Variants in LOX observed in about 807,000 individuals in gnomAD.
LOX encodes the protein lysyl oxidase.
In LOX, 12 loss-of-function variants were observed where a neutral mutation model predicts 50.5. That is an observed-to-expected ratio of 0.24 (90% CI 0.15 to 0.38). LOX has a LOEUF of 0.38. LOX is among the 10% of genes least tolerant of loss of function. The pLI is 1.00. For synonymous variants in LOX, 254 were observed against 230.6 expected (o/e 1.10, Z -0.92); for missense variants, 504 against 563.8 (o/e 0.89, Z 1.07).
Position 122,075,540 on chromosome 5 carries a change from T to C in LOX, c.742A>G (p.Thr248Ala), listed in dbSNP as rs772565907. The C allele has an allele frequency of 1.9e-6, 3 of 1,567,544 alleles. No individual in the cohort carries two copies. The South Asian group carries it at 3.6e-5, about 19-fold the overall frequency. Residue 248 changes from threonine to alanine, a missense_variant and splice_region_variant, in exon 3 of 7, where the codon ACA becomes GCA. This residue lies in a region of LOX where 398 missense variants were observed against 365.8 expected (regional missense o/e 1.09). Coordinates refer to ENST00000231004, the MANE Select transcript of LOX (RefSeq NM_002317.7). The part of the protein sequence containing the change: ...CAAEENCLAS[T>A]AYRADVRDYD... ...TCTCTGACATCTGCCCTGTATGCTG[T>C]ACTGTGATTTTGAAAAAAGAAAAAT...
chr5:122,073,884 G>T, intron 4 of LOX, 129 bp downstream of exon 4: 2 of 833,106 alleles, frequency 2.4e-6, no homozygotes, highest in Non-Finnish European at 1.9e-6. Flanking sequence ...TTTTCTTTGA[G>T]AACAGTCTCT....
Position 122,078,013 on chromosome 5 carries a change from C to G in LOX, c.-28G>C. On this transcript the variant is annotated 5_prime_UTR_variant, in exon 1 of 7. Transcript: ENST00000231004. ...CTCCTTTTGCCAGATTGACCCCGCT[C>G]GAGGAGGACGTGGCTCACAGAAAAT... 7.0e-7 allele frequency: 1 copy of G among 1,436,084 alleles called. No individual in the cohort carries two copies. Among genetic ancestry groups the G allele is most frequent in the Non-Finnish European group, 9.1e-7 (1 of 1,096,390 alleles). The allele number at this position is 1,436,084 out of a possible 1,614,324, so 89.0% of individuals were successfully genotyped here. A position where few individuals can be genotyped will look rare whatever the true frequency, so the allele number is the denominator to read the frequency against.
At position 122,066,648 on chromosome 5, in the gene LOX, T is replaced by A. The variant is rs1246196288; in HGVS notation, c.*95A>T. 3.2e-5 allele frequency: 33 copies of A among 1,024,152 alleles called. No individual in the cohort carries two copies. Among genetic ancestry groups the A allele is most frequent in the Middle Eastern group, 2.1e-4 (1 of 4,704 alleles). The allele number at this position is 1,024,152 out of a possible 1,614,324, so 63.4% of individuals were successfully genotyped here. A position where few individuals can be genotyped will look rare whatever the true frequency, so the allele number is the denominator to read the frequency against. Reference sequence around the variant, plus strand: ...TTCTTTTGTTGTTTTCTGTTCTCTTTTTCAAAATACATAAATCCTACTGAA... The same window carrying A: ...TTCTTTTGTTGTTTTCTGTTCTCTTATTCAAAATACATAAATCCTACTGAA... On this transcript the variant is annotated 3_prime_UTR_variant, in exon 7 of 7. Transcript: ENST00000231004.
Position 122,078,109 on chromosome 5 carries a change from C to T in LOX, c.-124G>A. On this transcript the variant is annotated 5_prime_UTR_variant, in exon 1 of 7. Coordinates refer to ENST00000231004, the MANE Select transcript of LOX (RefSeq NM_002317.7). ...AAGGAGGCGAGCGGAGCACGGGTAT[C>T]TCAGTCTCCACCAAGCAATGCCAAG... is the stretch of plus-strand genomic sequence containing the variant. 1 of 912,300 alleles carries T rather than the reference C, an allele frequency of 1.1e-6. No homozygotes were observed. The highest frequency in any genetic ancestry group is 1.5e-6 in the Non-Finnish European group (1 of 661,964). 56.5% of individuals were successfully genotyped at this position (912,300 alleles called of 1,614,324 possible).
chr5:122,069,154 G>A (rs1201385040), intron 6 of LOX, among the ~76,000 whole-genome samples: 2 of 152,100 alleles, frequency 1.3e-5, no homozygotes, highest in Non-Finnish European at 2.9e-5. Context: ...CTGGGTTTTT[G>A]TATCAGGCAG....
At position 122,077,572 on chromosome 5, in the gene LOX, G is replaced by T. The variant is rs1395129514; in HGVS notation, c.414C>A (p.Gly138=). Residue 138 remains glycine (G), a synonymous_variant, in exon 1 of 7, where the codon GGC becomes GGA. Transcript: ENST00000231004. This position sits in a 1 kb window ranked among gnomAD's most constrained non-coding sequence, Gnocchi z 4.9. ...GYSTSRAREA[G]ASRAENQTAP... ...CTGTCTGGTTCTCCGCGCGCGAGGC[G>T]CCAGCTTCGCGGGCTCTAGATGTCG... 3 of 1,612,702 alleles carry T rather than the reference G, an allele frequency of 1.9e-6. No homozygotes were observed. The highest frequency in any genetic ancestry group is 2.5e-6 in the Non-Finnish European group (3 of 1,179,832).
In LOX at chr5:122,068,304, C is replaced by T. The variant is rs996077349; in HGVS notation, c.1248-1555G>A. On this transcript the variant is annotated intron_variant, in intron 6 of 6. Transcript: ENST00000231004. ...TCTAAATATCTAGCAATACCCAATT[C>T]AATGGATTCTACTGATTAAAAGCAA... Among the ~76,000 whole-genome samples, 4 of 151,790 alleles carry T rather than the reference C, an allele frequency of 2.6e-5. No individual in the cohort carries two copies. In the East Asian group the frequency reaches 5.8e-4, roughly 22 times the overall value.
At chr5:122,066,792 A>C (rs771344744) in intron 6 of LOX, 43 bp from the exon 7 acceptor site, 1 of 1,249,696 alleles carries the variant, frequency 8.0e-7, no homozygotes, top group African/African-American at 1.5e-5. Context: ...TAACCTGATA[A>C]TATAATGAAT....
intron 6 of LOX, 25 bp from the exon 7 acceptor site, chr5:122,066,774 C>T (rs756079058): frequency 6.7e-7 from 1 of 1,497,908 alleles, no homozygotes; most frequent in Non-Finnish European, 9.3e-7. Flanking sequence ...CAAAATAAGA[C>T]AAATTATTAA....
Position 122,077,986 on chromosome 5 carries a change from C to T in LOX, c.-1G>A. ...GGAGCACGGTCCAGGCGAAGCGCAT[C>T]ACTCCTTTTGCCAGATTGACCCCGC... On this transcript the variant is annotated 5_prime_UTR_variant, in exon 1 of 7. Transcript: ENST00000231004. The surrounding 1 kb of genome is among the most constrained non-coding windows in gnomAD (Gnocchi z 4.9). 4 of 1,454,658 alleles carry T rather than the reference C, an allele frequency of 2.7e-6. No individual in the cohort carries two copies. Among genetic ancestry groups the T allele is most frequent in the Non-Finnish European group, 3.6e-6 (4 of 1,107,656 alleles). 90.1% of individuals were successfully genotyped at this position (1,454,658 alleles called of 1,614,324 possible). A position where few individuals can be genotyped will look rare whatever the true frequency, so the allele number is the denominator to read the frequency against.
chr5:122,066,414 TACTG>T lies in LOX; in HGVS notation c.*325_*328del, dbSNP rs760079427. On this transcript the variant is annotated 3_prime_UTR_variant, in exon 7 of 7. Coordinates refer to ENST00000231004, the MANE Select transcript of LOX (RefSeq NM_002317.7). Reference sequence around the variant, plus strand: ...CATTTTGGCTCATTCATTTAGATAATACTGACCATTTTGCACTACAATTTCAAAA... The same window carrying T: ...CATTTTGGCTCATTCATTTAGATAATACCATTTTGCACTACAATTTCAAAA... 2.1e-4 allele frequency: 57 copies of T among 271,538 alleles called. No homozygotes were observed. Among genetic ancestry groups the T allele is most frequent in the Non-Finnish European group, 2.9e-4 (42 of 142,778 alleles). The allele number at this position is 271,538 out of a possible 1,614,324, so 16.8% of individuals were successfully genotyped here.
chr5:122,070,690 C>G, intron 4 of LOX, 101 bp from the exon 5 acceptor site: 1 of 615,860 alleles, frequency 1.6e-6, no homozygotes, highest in Non-Finnish European at 2.9e-6. Context: ...TTAGTACTTA[C>G]AAGAGTCTGA....
Position 122,077,718 on chromosome 5 carries a change from G to T in LOX, c.268C>A (p.Pro90Thr), listed in dbSNP as rs1479868051. 6.3e-7 allele frequency: 1 copy of T among 1,586,704 alleles called. No individual in the cohort carries two copies. ...ANASAQQPRTPILLIRDNRTA... is the reference protein window; with the variant it reads ...ANASAQQPRTTILLIRDNRTA... Reference sequence around the variant, plus strand: ...CGGTTGTCGCGGATCAGCAGGATCGGAGTGCGGGGCTGCTGGGCGGAGGCG... The same window carrying T: ...CGGTTGTCGCGGATCAGCAGGATCGTAGTGCGGGGCTGCTGGGCGGAGGCG... The change falls in exon 1 of 7, where the codon CCG becomes ACG. Residue 90 changes from proline (P) to threonine (T), a missense_variant. Pro to Thr is a conservative substitution (Grantham distance 38). This residue lies in a region of LOX where 398 missense variants were observed against 365.8 expected (regional missense o/e 1.09). Coordinates refer to ENST00000231004, the MANE Select transcript of LOX (RefSeq NM_002317.7). The surrounding 1 kb of genome is among the most constrained non-coding windows in gnomAD (Gnocchi z 4.9).
chr5:122,066,798 T>G, intron 6 of LOX, 49 bp from the exon 7 acceptor site: 1 of 1,168,286 alleles, frequency 8.6e-7, no homozygotes, highest in East Asian at 2.3e-5. Context: ...GATAATATAA[T>G]GAATGAGTAC....
In LOX at chr5:122,077,171, A is replaced by G. The variant is rs1754663381; in HGVS notation, c.632-170T>C. 1 of 1,463,976 alleles carries G rather than the reference A, an allele frequency of 6.8e-7. No homozygotes were observed. Among genetic ancestry groups the G allele is most frequent in the Non-Finnish European group, 9.0e-7 (1 of 1,113,536 alleles). 90.7% of individuals were successfully genotyped at this position (1,463,976 alleles called of 1,614,324 possible). On this transcript the variant is annotated intron_variant, in intron 1 of 6. Transcript: ENST00000231004. This position sits in a 1 kb window ranked among gnomAD's most constrained non-coding sequence, Gnocchi z 4.9. ...CGCCCGGGACTGCAAAGCAATGTGA[A>G]AAGGAAGCAGGAGGGGCCAGACGCG...
intron 4 of LOX, among the ~76,000 whole-genome samples, chr5:122,073,563 TAC>T: frequency 6.6e-6 from 1 of 152,206 alleles, no homozygotes; most frequent in East Asian, 1.9e-4. Flanking sequence ...TATCTTTTTT[TAC>T]AGTTATTTAC....
intron 4 of LOX, among the ~76,000 whole-genome samples, chr5:122,071,407 T>C (rs1387094942): frequency 1.3e-5 from 2 of 152,114 alleles, no homozygotes. Context: ...CTATACTCTC[T>C]CTCATACAGT....
At chr5:122,075,724 G>A (rs1462052631) in intron 2 of LOX, among the ~76,000 whole-genome samples, 183 bp from the exon 3 acceptor site, 2 of 152,082 alleles carry the variant, frequency 1.3e-5, no homozygotes, top group Non-Finnish European at 1.5e-5. Flanking sequence ...TCCTAGAACC[G>A]TCTTGGAGTA....
In LOX at chr5:122,071,099, G is replaced by A. The variant is rs543412970; in HGVS notation, c.1036-510C>T. On this transcript the variant is annotated intron_variant, in intron 4 of 6. Transcript: ENST00000231004. Reference sequence around the variant, plus strand: ...TATGTAAGAATATAGCTAACCAGAGGCTGCAAGTTCCCTAAGGGTAGAGTT... The same window carrying A: ...TATGTAAGAATATAGCTAACCAGAGACTGCAAGTTCCCTAAGGGTAGAGTT... Among the ~76,000 whole-genome samples the A allele has an allele frequency of 3.9e-5, 6 of 152,158 alleles. No individual in the cohort carries two copies. The South Asian group carries it at 1.0e-3, about 26-fold the overall frequency.
Sources: allele counts gnomAD v4.1 joint callset (sites outside exome capture counted in the v4.1 genomes callset), GRCh38; gene constraint gnomAD v4.1.1; regional missense constraint gnomAD v4.1.1; non-coding constraint Gnocchi (gnomAD v3.1); transcripts MANE v1.5; gene names NCBI Gene and HGNC (gene_info 2026-07-23, HGNC 2026-07-21).